Variants in USP22 observed in about 807,000 individuals in gnomAD.
USP22 encodes the protein ubiquitin specific peptidase 22, also known as ubiquitin carboxyl-terminal hydrolase 22.
In USP22, 22 loss-of-function variants were observed where a neutral mutation model predicts 68.1. The ratio of observed to expected loss-of-function variants is 0.32; its 90% CI spans 0.23 to 0.46. USP22 has a LOEUF of 0.46. USP22 is among the 20% of genes least tolerant of loss of function. USP22 has a pLI of 1.00. For synonymous variants in USP22, 279 were observed against 274.2 expected, an observed-to-expected ratio of 1.02 and a Z score of -0.17; for missense variants, 433 against 695.8, an observed-to-expected ratio of 0.62 and a Z score of 4.25.
At chr17:21,005,182 C>T (rs932548894) in intron 10 of USP22, 192 bp from the exon 11 acceptor site, 8 of 668,204 alleles carry the variant, frequency 1.2e-5, no homozygotes, top group Middle Eastern at 4.2e-4. Context: ...GCCCCTGCCT[C>T]AGAGCACACC....
intron 1 of USP22, among the ~76,000 whole-genome samples, chr17:21,041,307 A>C (rs1972427640): frequency 6.6e-6 from 1 of 152,178 alleles, no homozygotes; most frequent in African/African-American, 2.4e-5. Context: ...CAGATAAAAA[A>C]AATTTTGAGG....
chr17:21,019,264 G>A (rs1434206442), intron 3 of USP22, 79 bp from the exon 4 acceptor site: 19 of 1,411,036 alleles, frequency 1.3e-5, no homozygotes, highest in Non-Finnish European at 1.4e-5. Context: ...AAGCTGTGGC[G>A]CTATGCTGTC....
Position 21,019,067 on chromosome 17 carries a change from C to T in USP22, c.520+17G>A, listed in dbSNP as rs114644691. On this transcript the variant is annotated intron_variant, in intron 4 of 12. Coordinates refer to ENST00000261497, the MANE Select transcript of USP22 (RefSeq NM_015276.2). ...TGGAAAGAAGCCTAGCTGAGAGTGA[C>T]GACACGCTCCACCCACCTATGGTGC... 3.5e-3 allele frequency: 5,595 copies of T among 1,612,984 alleles called. 140 individuals are homozygous for T. In the African/African-American group the frequency reaches 0.059, roughly 17 times the overall value.
chr17:21,030,717 T>C (rs755669205), intron 1 of USP22, among the ~76,000 whole-genome samples: 4 of 152,076 alleles, frequency 2.6e-5, no homozygotes, highest in Non-Finnish European at 5.9e-5. Flanking sequence ...AAAACATTAA[T>C]GTAATGAAAG....
At chr17:21,040,323 AC>A (rs1360371180) in intron 1 of USP22, among the ~76,000 whole-genome samples, 3 of 152,242 alleles carry the variant, frequency 2.0e-5, no homozygotes, top group Non-Finnish European at 1.5e-5. Flanking sequence ...TAACTGGGCC[AC>A]TAGAGAGTGC....
chr17:21,005,994 T>C (rs1405610803), intron 10 of USP22, among the ~76,000 whole-genome samples: 2 of 151,614 alleles, frequency 1.3e-5, no homozygotes, highest in African/African-American at 4.9e-5. Flanking sequence ...GCCAGGGGAG[T>C]GACAGCCACA....
At chr17:21,010,971 G>C (rs10512422) in intron 8 of USP22, among the ~76,000 whole-genome samples, 180 bp downstream of exon 8, 35,163 of 152,086 alleles carry the variant, frequency 0.23, 4,768 homozygotes, top group Middle Eastern at 0.32. Flanking sequence ...CAGAAATATT[G>C]AGTCATCTGG....
chr17:21,012,425 C>T (rs1363419734), intron 7 of USP22, among the ~76,000 whole-genome samples: 6 of 152,104 alleles, frequency 3.9e-5, no homozygotes, highest in Non-Finnish European at 8.8e-5. Context: ...AAAATGGAAC[C>T]AGAAACCATA....
intron 4 of USP22, among the ~76,000 whole-genome samples, chr17:21,018,777 C>A (rs1169068361): frequency 6.6e-6 from 1 of 152,216 alleles, no homozygotes; most frequent in East Asian, 1.9e-4. Context: ...TCACACACAT[C>A]ATTTCTCTCC....
chr17:21,038,172 A>C (rs531442181), intron 1 of USP22, among the ~76,000 whole-genome samples: 1 of 152,280 alleles, frequency 6.6e-6, no homozygotes, highest in East Asian at 1.9e-4. Context: ...GCCGAAGTGA[A>C]TCTCCTAAGG....
chr17:21,042,743 C>T lies in USP22; in HGVS notation c.93G>A (p.Val31=). 1 of 1,490,696 alleles carries T rather than the reference C, an allele frequency of 6.7e-7. No homozygotes were observed. Among genetic ancestry groups the T allele is most frequent in the South Asian group, 1.3e-5 (1 of 78,114 alleles). The allele number at this position is 1,490,696 out of a possible 1,614,324, so 92.3% of individuals were successfully genotyped here. ...PGCSHLGSFK[V]DNWKQNLRAI... ...CCCGCAGGTTCTGCTTCCAGTTGTCCACCTTGAAGCTGCCCAGGTGCGAGC... is the reference window on the plus strand; with the variant it reads ...CCCGCAGGTTCTGCTTCCAGTTGTCTACCTTGAAGCTGCCCAGGTGCGAGC... The change falls in exon 1 of 13, where the codon GTG becomes GTA. Residue 31 remains valine (V), a synonymous_variant. Coordinates refer to ENST00000261497, the MANE Select transcript of USP22 (RefSeq NM_015276.2).
chr17:21,008,947 C>T (rs923746455), intron 8 of USP22, among the ~76,000 whole-genome samples: 4 of 151,900 alleles, frequency 2.6e-5, no homozygotes, highest in Non-Finnish European at 2.9e-5. Context: ...CAAAATTAGC[C>T]GGGCGAGGTG....
intron 1 of USP22, among the ~76,000 whole-genome samples, chr17:21,041,887 C>G (rs546438925): frequency 6.6e-6 from 1 of 152,372 alleles, no homozygotes; most frequent in Non-Finnish European, 1.5e-5. Flanking sequence ...CCACAGCCCA[C>G]GGCGCGCTTC....
At chr17:21,008,096 CTACCAAAAACA>C in intron 8 of USP22, 100 bp from the exon 9 acceptor site, 1 of 1,388,190 alleles carries the variant, frequency 7.2e-7, no homozygotes, top group African/African-American at 1.5e-5. Flanking sequence ...GTTGATTTCC[CTACCAAAAACA>C]TACACTTACA....
chr17:21,008,042 G>A, intron 8 of USP22, 46 bp from the exon 9 acceptor site: 2 of 1,587,732 alleles, frequency 1.3e-6, no homozygotes, highest in Admixed American at 3.5e-5. Flanking sequence ...AGATGCAAGA[G>A]ACAGAAAAAT....
chr17:21,043,320 C>G (rs1291911190), upstream of USP22: 1 of 163,194 alleles, frequency 6.1e-6, no homozygotes, highest in East Asian at 1.6e-4. Context: ...CCCCCCGGCA[C>G]CTTCGGCTAT....
rs1206348506 is a variant in USP22, at chr17:21,000,240, G to C, written c.*2791C>G. On this transcript the variant is annotated 3_prime_UTR_variant, in exon 13 of 13. Coordinates refer to ENST00000261497, the MANE Select transcript of USP22 (RefSeq NM_015276.2). ...AACGGGAGGTTTCCTGAATTTCACA[G>C]CCAGATGGGGAGCTAAAAGAAATTC... 6.6e-6 allele frequency: 1 copy of C among 152,230 alleles called. No individual in the cohort carries two copies. Among genetic ancestry groups the C allele is most frequent in the African/African-American group, 2.4e-5 (1 of 41,458 alleles). 9.4% of individuals were successfully genotyped at this position (152,230 alleles called of 1,614,324 possible). A position where few individuals can be genotyped will look rare whatever the true frequency, so the allele number is the denominator to read the frequency against.
intron 2 of USP22, among the ~76,000 whole-genome samples, chr17:21,024,394 C>T (rs1972195045): frequency 6.6e-6 from 1 of 152,142 alleles, no homozygotes; most frequent in South Asian, 2.1e-4. Flanking sequence ...CACACTGCAA[C>T]GCTCCCACTG....
At position 21,042,646 on chromosome 17, in the gene USP22, G is replaced by T; in HGVS notation, c.171+19C>A. The T allele has an allele frequency of 1.6e-6, 2 of 1,260,736 alleles. No homozygotes were observed. Among genetic ancestry groups the T allele is most frequent in the Non-Finnish European group, 2.0e-6 (2 of 999,672 alleles). The allele number at this position is 1,260,736 out of a possible 1,614,324, so 78.1% of individuals were successfully genotyped here. On this transcript the variant is annotated intron_variant, in intron 1 of 12. Transcript: ENST00000261497. ...GCAGAAGGCCCCGAGCCCGCCGCGC[G>T]GTGGGCTGCCGGGCGCACCTTGCGC...
Sources: gnomAD v4.1 joint callset for allele counts (sites outside exome capture counted in the v4.1 genomes callset) on GRCh38, gnomAD v4.1.1 for gene constraint, MANE v1.5 for transcripts, NCBI Gene and HGNC (gene_info 2026-07-23, HGNC 2026-07-21) for gene names.